UNC5D: variants seen among roughly 807,000 people sequenced by gnomAD.
UNC5D encodes the protein netrin receptor UNC5D.
UNC5D carries 39 observed loss-of-function variants against 105.4 expected under a neutral mutation model. The ratio of observed to expected loss-of-function variants is 0.37; its 90% CI spans 0.29 to 0.48. The LOEUF is 0.48. Ranked by LOEUF, UNC5D falls within the 20% of genes least tolerant of loss-of-function variation. The pLI, the probability that UNC5D is intolerant of heterozygous loss-of-function variation, is 0.98. For synonymous variants in UNC5D, 452 were observed against 450.4 expected, an observed-to-expected ratio of 1.00 and a Z score of -0.04; for missense variants, 991 against 1,202.4, an observed-to-expected ratio of 0.82 and a Z score of 2.60.
intron 1 of UNC5D, among the ~76,000 whole-genome samples, chr8:35,502,277 C>T (rs570376185): frequency 8.2e-4 from 125 of 152,248 alleles, no homozygotes; most frequent in African/African-American, 2.7e-3. Context: ...ATGAGGGATG[C>T]CTATAACGTT....
intron 1 of UNC5D, among the ~76,000 whole-genome samples, chr8:35,252,010 C>A (rs1803731822): frequency 6.6e-6 from 1 of 150,390 alleles, no homozygotes; most frequent in South Asian, 2.1e-4. Flanking sequence ...TTCCTAACTA[C>A]CAATGGTTCT....
intron 4 of UNC5D, among the ~76,000 whole-genome samples, chr8:35,637,424 G>A (rs1010462151): frequency 1.3e-5 from 2 of 152,098 alleles, no homozygotes; most frequent in East Asian, 1.9e-4. Context: ...TAAAATCTCC[G>A]AAGTACTTGT....
chr8:35,568,053 T>C (rs1817473472), intron 2 of UNC5D, 45 bp from the exon 3 acceptor site: 2 of 1,597,086 alleles, frequency 1.3e-6, no homozygotes, highest in African/African-American at 2.7e-5. Flanking sequence ...GTTTGAGAAA[T>C]ATAACAGCCT....
chr8:35,791,309 G>A lies in UNC5D; in HGVS notation c.*746G>A, dbSNP rs991544144. On this transcript the variant is annotated 3_prime_UTR_variant, in exon 17 of 17. Transcript: ENST00000404895. ...GGAGCATAATTAAACTTGTCAATAC[G>A]GAAAGTTGTTTTTTCTAACACAACA... The A allele has an allele frequency of 2.0e-5, 3 of 152,370 alleles. No individual in the cohort carries two copies. The highest frequency in any genetic ancestry group is 2.1e-4 in the South Asian group (1 of 4,832). 9.4% of individuals were successfully genotyped at this position (152,370 alleles called of 1,614,324 possible).
In UNC5D at chr8:35,794,417, C is replaced by A. The variant is rs1035393387; in HGVS notation, c.*3854C>A. ...TTGAATCCTCAGTAACTCTCATTGA[C>A]TGGATTAGAGGTGATGGCCACAGCA... On this transcript the variant is annotated 3_prime_UTR_variant, in exon 17 of 17. Coordinates refer to ENST00000404895, the MANE Select transcript of UNC5D (RefSeq NM_080872.4). 7 of 152,300 alleles carry A rather than the reference C, an allele frequency of 4.6e-5. No homozygotes were observed. Among genetic ancestry groups the A allele is most frequent in the African/African-American group, 1.7e-4 (7 of 41,434 alleles). 9.4% of individuals were successfully genotyped at this position (152,300 alleles called of 1,614,324 possible). A position where few individuals can be genotyped will look rare whatever the true frequency, so the allele number is the denominator to read the frequency against.
intron 4 of UNC5D, among the ~76,000 whole-genome samples, chr8:35,602,867 TC>T (rs1186701061): frequency 2.4e-4 from 1 of 4,242 alleles, no homozygotes; most frequent in African/African-American, 7.6e-4. Context: ...TGCTATCCCT[TC>T]CCCCCTCCCC....
intron 1 of UNC5D, among the ~76,000 whole-genome samples, chr8:35,395,199 A>T (rs62505485): frequency 0.074 from 11,301 of 152,236 alleles, 555 homozygotes; most frequent in Non-Finnish European, 0.11. Context: ...TTATTTTCCA[A>T]TGTTCACATC....
Position 35,235,499 on chromosome 8 carries a change from C to G in UNC5D, c.-286C>G. ...TCCGTAGTTCGGGGCCCGGCAGCGG[C>G]GCGAGGGCTGGGAACTGCGCGGCGG... On this transcript the variant is annotated 5_prime_UTR_variant, in exon 1 of 17. Transcript: ENST00000404895. 3.3e-6 allele frequency: 1 copy of G among 301,978 alleles called. No homozygotes were observed. The highest frequency in any genetic ancestry group is 6.1e-6 in the Non-Finnish European group (1 of 164,984). 18.7% of individuals were successfully genotyped at this position (301,978 alleles called of 1,614,324 possible). A position where few individuals can be genotyped will look rare whatever the true frequency, so the allele number is the denominator to read the frequency against.
intron 1 of UNC5D, among the ~76,000 whole-genome samples, chr8:35,237,741 G>C (rs1473981791): frequency 6.6e-6 from 1 of 152,166 alleles, no homozygotes; most frequent in Non-Finnish European, 1.5e-5. Context: ...AAATCTGACT[G>C]ATATTTCCCA....
intron 11 of UNC5D, among the ~76,000 whole-genome samples, chr8:35,745,109 G>A (rs997639951): frequency 6.6e-6 from 1 of 152,104 alleles, no homozygotes; most frequent in Non-Finnish European, 1.5e-5. Context: ...TTGTGGGACA[G>A]ACAAAATAAT....
At chr8:35,267,495 A>G (rs776746934) in intron 1 of UNC5D, among the ~76,000 whole-genome samples, 6 of 151,956 alleles carry the variant, frequency 3.9e-5, no homozygotes, top group Non-Finnish European at 8.8e-5. Context: ...CTGGGGTGCA[A>G]TGGTGCGATC....
chr8:35,712,906 T>A (rs1828041769), intron 8 of UNC5D, among the ~76,000 whole-genome samples: 1 of 152,178 alleles, frequency 6.6e-6, no homozygotes, highest in Non-Finnish European at 1.5e-5. Context: ...CTATTTTTTG[T>A]CCATTTTTCC....
intron 8 of UNC5D, among the ~76,000 whole-genome samples, chr8:35,711,779 GT>G (rs1028855670): frequency 1.3e-5 from 2 of 152,080 alleles, no homozygotes; most frequent in African/African-American, 4.8e-5. Flanking sequence ...AAACTATCCC[GT>G]TTTTGTTCTA....
intron 4 of UNC5D, among the ~76,000 whole-genome samples, chr8:35,616,908 A>G (rs2131008825): frequency 6.6e-6 from 1 of 152,278 alleles, no homozygotes; most frequent in East Asian, 1.9e-4. Flanking sequence ...CATTAGCGGC[A>G]ATAAACAGTC....
intron 4 of UNC5D, among the ~76,000 whole-genome samples, chr8:35,610,378 G>A (rs1392719822): frequency 6.6e-6 from 1 of 152,152 alleles, no homozygotes; most frequent in East Asian, 1.9e-4. Context: ...AGAATTAAAG[G>A]TGTTTGGATT....
chr8:35,473,449 A>G (rs532262349), intron 1 of UNC5D, among the ~76,000 whole-genome samples: 1 of 152,270 alleles, frequency 6.6e-6, no homozygotes, highest in South Asian at 2.1e-4. Flanking sequence ...TGGTGAGCAA[A>G]TCCCTCACAC....
At position 35,683,606 on chromosome 8, in the gene UNC5D, C is replaced by T. The variant is rs763341339; in HGVS notation, c.630C>T (p.Thr210=). 2 of 1,580,082 alleles carry T rather than the reference C, an allele frequency of 1.3e-6. No homozygotes were observed. The highest frequency in any genetic ancestry group is 2.4e-5 in the South Asian group (2 of 85,040). ...IDSEQDENID[T]RADHNLIIRQ... ...CTGAACAAGACGAGAACATTGACAC[C>T]AGGGCTGACCATAACCTGATCATCA... Residue 210 remains threonine, a synonymous_variant, in exon 5 of 17, where the codon ACC becomes ACT. Transcript: ENST00000404895.
At chr8:35,487,064 C>T (rs964631452) in intron 1 of UNC5D, among the ~76,000 whole-genome samples, 4 of 152,120 alleles carry the variant, frequency 2.6e-5, no homozygotes, top group African/African-American at 7.2e-5. Context: ...TTACTGAGCT[C>T]AAAGCCTAAG....
intron 15 of UNC5D, among the ~76,000 whole-genome samples, chr8:35,770,453 T>G (rs1801960525): frequency 6.6e-6 from 1 of 152,112 alleles, no homozygotes; most frequent in African/African-American, 2.4e-5. Context: ...CCTTCACACT[T>G]AAAAGTTATT....
Sources: gnomAD v4.1 joint callset for allele counts (sites outside exome capture counted in the v4.1 genomes callset) on GRCh38, gnomAD v4.1.1 for gene constraint, MANE v1.5 for transcripts, NCBI Gene and HGNC (gene_info 2026-07-23, HGNC 2026-07-21) for gene names.